Variants in OR13A1 observed in about 807,000 individuals in gnomAD.
The protein encoded by OR13A1 is olfactory receptor 13A1.
OR13A1 carries 10 observed loss-of-function variants against 7.5 expected under a neutral mutation model. The observed-to-expected ratio is 1.34, with a 90% CI of 0.83 to 2.27. The LOEUF is 2.27. OR13A1 is among the 30% of genes most tolerant of loss of function. The pLI, the probability that OR13A1 is intolerant of heterozygous loss-of-function variation, is 0.00. For synonymous variants in OR13A1, 238 were observed against 177.9 expected (o/e 1.34, Z -2.69); for missense variants, 509 against 419.1 (o/e 1.21, Z -1.87).
chr10:45,310,555 C>A (rs1476404411), intron 1 of OR13A1, among the ~76,000 whole-genome samples: 1 of 152,144 alleles, frequency 6.6e-6, no homozygotes, highest in Non-Finnish European at 1.5e-5. Flanking sequence ...ATTGCTTCAC[C>A]TAGCTGCCAG....
intron 1 of OR13A1, among the ~76,000 whole-genome samples, chr10:45,314,896 G>A (rs1838498170): frequency 6.6e-6 from 1 of 152,094 alleles, no homozygotes; most frequent in South Asian, 2.1e-4. Flanking sequence ...TTATAACTAC[G>A]AAGGAGATTA....
chr10:45,303,781 A>G lies in OR13A1; in HGVS notation c.642T>C (p.Gly214=), dbSNP rs771786724. The change falls in exon 4 of 4, where the codon GGT becomes GGC. Residue 214 remains glycine (G), a synonymous_variant. Coordinates refer to ENST00000553795, the MANE Select transcript of OR13A1 (RefSeq NM_001004297.3). The part of the protein sequence containing the change: ...LLSCSSTYVN[G]VMIVLADAFY... ...AAGCATCCGCCAGGACAATCATGAC[A>G]CCGTTGACGTAGGTGGAGCTGCAGG... 9.3e-6 allele frequency: 15 copies of G among 1,613,896 alleles called. No homozygotes were observed. The highest frequency in any genetic ancestry group is 1.0e-5 in the Non-Finnish European group (12 of 1,180,048).
In OR13A1 at chr10:45,304,264, G is replaced by A. The variant is rs759754767; in HGVS notation, c.159C>T (p.Tyr53=). 2 of 1,614,186 alleles carry A rather than the reference G, an allele frequency of 1.2e-6. No individual in the cohort carries two copies. Among genetic ancestry groups the A allele is most frequent in the East Asian group, 2.2e-5 (1 of 44,888 alleles). ...VFLFSCFLFL[Y]SGALTGNVLI... ...GGACATTACCTGTGAGGGCCCCAGAGTAGAGGAAGAGGAAACAGCTGAATA... is the reference window on the plus strand; with the variant it reads ...GGACATTACCTGTGAGGGCCCCAGAATAGAGGAAGAGGAAACAGCTGAATA... The change falls in exon 4 of 4, where the codon TAC becomes TAT. Residue 53 remains tyrosine (Y), a synonymous_variant. Transcript: ENST00000553795.
intron 1 of OR13A1, among the ~76,000 whole-genome samples, chr10:45,314,535 C>A (rs917598058): frequency 6.7e-6 from 1 of 149,716 alleles, no homozygotes; most frequent in African/African-American, 2.4e-5. Flanking sequence ...ACACCCAAAG[C>A]TAGCAGAAGG....
At chr10:45,311,483 G>A (rs1271540927) in intron 1 of OR13A1, among the ~76,000 whole-genome samples, 3 of 152,050 alleles carry the variant, frequency 2.0e-5, no homozygotes, top group African/African-American at 7.2e-5. Flanking sequence ...TTTCTTTTAG[G>A]TATCCATATT....
At chr10:45,314,300 T>C (rs1838490346) in intron 1 of OR13A1, among the ~76,000 whole-genome samples, 1 of 151,914 alleles carries the variant, frequency 6.6e-6, no homozygotes, top group Admixed American at 6.6e-5. Flanking sequence ...ATGTGCATTA[T>C]AAAAGGAAGA....
chr10:45,303,521 G>A lies in OR13A1; in HGVS notation c.902C>T (p.Pro301Leu), dbSNP rs1204872141. ...AGTATAGATGAGGGGGTTGAGGGTA[G>A]GACTCAGCACAGTGTACAGCAGGCC... ...LAGLLYTVLSPTLNPLIYTLR... is the reference protein window; with the variant it reads ...LAGLLYTVLSLTLNPLIYTLR... Residue 301 changes from proline (P) to leucine (L), a missense_variant, in exon 4 of 4, where the codon CCT becomes CTT. By Grantham distance (98) the Pro-to-Leu change is moderately conservative. Coordinates refer to ENST00000553795, the MANE Select transcript of OR13A1 (RefSeq NM_001004297.3). The A allele has an allele frequency of 2.5e-6, 4 of 1,613,998 alleles. No homozygotes were observed. The African/African-American group carries it at 5.3e-5, about 22-fold the overall frequency.
rs115212719 is a variant in OR13A1, at chr10:45,303,886, C to A, written c.537G>T (p.Gly179=). 4 of 1,613,398 alleles carry A rather than the reference C, an allele frequency of 2.5e-6. No homozygotes were observed. Among genetic ancestry groups the A allele is most frequent in the African/African-American group, 1.3e-5 (1 of 75,086 alleles). The change falls in exon 4 of 4, where the codon GGG becomes GGT. Residue 179 remains glycine (G), a synonymous_variant. Coordinates refer to ENST00000553795, the MANE Select transcript of OR13A1 (RefSeq NM_001004297.3). ...CACAGAAATCCAAGCGCAGCATCAG[C>A]CCCGTGTGGATGGCCGTGTTGACGG... The part of the protein sequence containing the change: ...LCAVNTAIHT[G]LMLRLDFCGP...
chr10:45,303,203 T>C lies in OR13A1; in HGVS notation c.*233A>G. ...CTGTGTTTCTCTGCCAACTCAGCAC[T>C]GACACCACCTTGGAGTCAGACCAAG... On this transcript the variant is annotated 3_prime_UTR_variant, in exon 4 of 4. Coordinates refer to ENST00000553795, the MANE Select transcript of OR13A1 (RefSeq NM_001004297.3). 1 of 514,590 alleles carries C rather than the reference T, an allele frequency of 1.9e-6. No homozygotes were observed. Among genetic ancestry groups the C allele is most frequent in the African/African-American group, 1.9e-5 (1 of 52,276 alleles). The allele number at this position is 514,590 out of a possible 1,614,324, so 31.9% of individuals were successfully genotyped here. A position where few individuals can be genotyped will look rare whatever the true frequency, so the allele number is the denominator to read the frequency against.
intron 1 of OR13A1, among the ~76,000 whole-genome samples, chr10:45,313,171 G>T (rs1838471538): frequency 6.6e-6 from 1 of 152,034 alleles, no homozygotes; most frequent in African/African-American, 2.4e-5. Flanking sequence ...GAGCTTTGAA[G>T]AAATAGTTTT....
intron 3 of OR13A1, 118 bp from the exon 4 acceptor site, chr10:45,304,552 C>A: frequency 1.2e-6 from 1 of 838,288 alleles, no homozygotes; most frequent in Non-Finnish European, 1.9e-6. Flanking sequence ...ATAAACACCC[C>A]AATATTACAG....
chr10:45,304,020 C>A lies in OR13A1; in HGVS notation c.403G>T (p.Val135Phe). ...GCTGCGTACCGGTCATAGGCCATGACCGTGAGGAGCAGCAGCTCTGAGGAT... is the reference window on the plus strand; with the variant it reads ...GCTGCGTACCGGTCATAGGCCATGAACGTGAGGAGCAGCAGCTCTGAGGAT... ...AASSELLLLT[V>F]MAYDRYAAIC... Residue 135 changes from valine (V) to phenylalanine (F), a missense_variant, in exon 4 of 4, where the codon GTC (valine) becomes TTC (phenylalanine). By Grantham distance (50) the Val-to-Phe change is conservative. Coordinates refer to ENST00000553795, the MANE Select transcript of OR13A1 (RefSeq NM_001004297.3). 6.2e-7 allele frequency: 1 copy of A among 1,612,922 alleles called. No individual in the cohort carries two copies. Among genetic ancestry groups the A allele is most frequent in the South Asian group, 1.1e-5 (1 of 90,950 alleles).
rs138791902 is a variant in OR13A1, at chr10:45,310,800, AAAG to A, written c.-224-2995_-224-2993del. Among the ~76,000 whole-genome samples, 783 of 152,324 alleles carry A rather than the reference AAAG, an allele frequency of 5.1e-3. 7 individuals carry two copies. The highest frequency in any genetic ancestry group is 0.018 in the African/African-American group (746 of 41,576). ...TACACAAGAAAGAGGGCGGAAGTGA[AAAG>A]AAGAGGGTGAAAGAGGTAAACAGGC... On this transcript the variant is annotated intron_variant, in intron 1 of 3. Transcript: ENST00000553795.
At chr10:45,312,395 G>A (rs1311392962) in intron 1 of OR13A1, among the ~76,000 whole-genome samples, 1 of 151,904 alleles carries the variant, frequency 6.6e-6, no homozygotes, top group Non-Finnish European at 1.5e-5. Flanking sequence ...AAGAATTACA[G>A]CAGAGTTTCT....
At chr10:45,311,755 G>T (rs1358489894) in intron 1 of OR13A1, among the ~76,000 whole-genome samples, 1 of 142,674 alleles carries the variant, frequency 7.0e-6, no homozygotes, top group Non-Finnish European at 1.5e-5. Context: ...CCTGAGTGAT[G>T]AAATAATAAA....
At chr10:45,308,493 C>A (rs1428292964) in intron 1 of OR13A1, among the ~76,000 whole-genome samples, 1 of 152,174 alleles carries the variant, frequency 6.6e-6, no homozygotes, top group Non-Finnish European at 1.5e-5. Context: ...AATGTAAACC[C>A]TAAACTCTCA....
chr10:45,309,772 G>A (rs1285873506), intron 1 of OR13A1, among the ~76,000 whole-genome samples: 2 of 152,054 alleles, frequency 1.3e-5, no homozygotes, highest in African/African-American at 2.4e-5. Flanking sequence ...ACTAAATATC[G>A]ATGGGTTTAC....
rs1236127100 is a variant in OR13A1, at chr10:45,303,866, A to T, written c.557T>A (p.Phe186Tyr). The T allele has an allele frequency of 2.5e-6, 4 of 1,612,992 alleles. No individual in the cohort carries two copies. The highest frequency in any genetic ancestry group is 3.4e-6 in the Non-Finnish European group (4 of 1,180,030). The change falls in exon 4 of 4, where the codon TTC becomes TAC. Residue 186 changes from phenylalanine (F) to tyrosine (Y), a missense_variant. Transcript: ENST00000553795. ...IHTGLMLRLD[F>Y]CGPNVIIHFF... Reference sequence around the variant, plus strand: ...ATGGATAATGACATTGGGGCCACAGAAATCCAAGCGCAGCATCAGCCCCGT... The same window carrying T: ...ATGGATAATGACATTGGGGCCACAGTAATCCAAGCGCAGCATCAGCCCCGT...
rs1324546991 is a variant in OR13A1, at chr10:45,304,000, G to A, written c.423C>T (p.Tyr141=). The change falls in exon 4 of 4, where the codon TAC becomes TAT. Residue 141 remains tyrosine, a synonymous_variant. Transcript: ENST00000553795. The stretch of plus-strand genomic sequence containing the variant: ...AATGCAGCGGGTGGCAGATGGCTGC[G>A]TACCGGTCATAGGCCATGACCGTGA... ...LLLTVMAYDR[Y]AAICHPLHYS... 1.9e-6 allele frequency: 3 copies of A among 1,612,340 alleles called. No homozygotes were observed. The highest frequency in any genetic ancestry group is 2.5e-6 in the Non-Finnish European group (3 of 1,178,894).
Sources: allele counts gnomAD v4.1 joint callset (sites outside exome capture counted in the v4.1 genomes callset), GRCh38; gene constraint gnomAD v4.1.1; transcripts MANE v1.5; gene names NCBI Gene and HGNC (gene_info 2026-07-23, HGNC 2026-07-21).